PRKCI: variants seen among roughly 807,000 people sequenced by gnomAD.
PRKCI encodes the protein protein kinase C iota.
Under a neutral mutation model 84.0 loss-of-function variants are expected in PRKCI, and 43 were observed. The observed-to-expected ratio is 0.51, with a 90% CI of 0.40 to 0.66. The LOEUF is 0.66. PRKCI is among the 30% of genes least tolerant of loss of function. The pLI, the probability that PRKCI is intolerant of heterozygous loss-of-function variation, is 0.00. For synonymous variants in PRKCI, 216 were observed against 234.4 expected, an observed-to-expected ratio of 0.92 and a Z score of 0.72; for missense variants, 459 against 745.6, an observed-to-expected ratio of 0.62 and a Z score of 4.48.
At chr3:170,298,805 G>A (rs780452940) in intron 16 of PRKCI, among the ~76,000 whole-genome samples, 190 bp from the exon 17 acceptor site, 7 of 152,004 alleles carry the variant, frequency 4.6e-5, no homozygotes, top group African/African-American at 7.2e-5. Context: ...CCTACCAAGC[G>A]GTTGGGATTA....
chr3:170,265,281 A>G (rs1005742567), intron 4 of PRKCI, among the ~76,000 whole-genome samples: 4 of 152,166 alleles, frequency 2.6e-5, no homozygotes, highest in African/African-American at 2.4e-5. Context: ...CAAGCTCTTC[A>G]GGTGATTCTG....
chr3:170,247,651 A>G (rs1001818968), intron 2 of PRKCI, among the ~76,000 whole-genome samples: 2 of 147,830 alleles, frequency 1.4e-5, no homozygotes, highest in African/African-American at 5.0e-5. Flanking sequence ...AATCACTTGA[A>G]CCTGGGAGGT....
At chr3:170,282,192 G>A (rs1340273448) in intron 11 of PRKCI, among the ~76,000 whole-genome samples, 1 of 152,102 alleles carries the variant, frequency 6.6e-6, no homozygotes, top group Non-Finnish European at 1.5e-5. Flanking sequence ...TGCACACAGT[G>A]CTTCCTAAGC....
intron 4 of PRKCI, among the ~76,000 whole-genome samples, chr3:170,264,393 C>A (rs148449948): frequency 0.023 from 3,501 of 152,210 alleles, 58 homozygotes; most frequent in Non-Finnish European, 0.034. Context: ...AATTCTCCTG[C>A]CTCAGCCTCC....
intron 2 of PRKCI, among the ~76,000 whole-genome samples, chr3:170,251,502 A>G (rs563091060): frequency 6.6e-6 from 1 of 152,240 alleles, no homozygotes; most frequent in African/African-American, 2.4e-5. Flanking sequence ...TAAATAGTCA[A>G]TTCATAAATA....
chr3:170,290,535 A>G (rs2108864253), intron 12 of PRKCI, among the ~76,000 whole-genome samples: 1 of 151,752 alleles, frequency 6.6e-6, no homozygotes, highest in Admixed American at 6.6e-5. Flanking sequence ...TATTTTGTAT[A>G]TATATATATA....
intron 8 of PRKCI, among the ~76,000 whole-genome samples, chr3:170,277,126 A>G (rs888904900): frequency 4.0e-5 from 6 of 151,792 alleles, no homozygotes; most frequent in Admixed American, 6.6e-5. Context: ...GCACACACCT[A>G]TAATACTAGC....
Position 170,280,347 on chromosome 3 carries a change from A to G in PRKCI, c.826A>G (p.Thr276Ala), listed in dbSNP as rs867140849. 1 of 1,614,078 alleles carries G rather than the reference A, an allele frequency of 6.2e-7. No homozygotes were observed. Among genetic ancestry groups the G allele is most frequent in the Middle Eastern group, 1.7e-4 (1 of 6,048 alleles). Residue 276 changes from threonine (T) to alanine (A), a missense_variant, in exon 9 of 18, where the codon ACA becomes GCA. Transcript: ENST00000295797. Reference sequence around the variant, plus strand: ...AGTACTGTTGGTTCGATTAAAAAAAACAGATCGTATTTATGCAATGAAAGT... The same window carrying G: ...AGTACTGTTGGTTCGATTAAAAAAAGCAGATCGTATTTATGCAATGAAAGT... ...AKVLLVRLKK[T>A]DRIYAMKVVK... is the part of the protein sequence containing the mutation.
chr3:170,260,158 T>C (rs1194812645), intron 3 of PRKCI, 100 bp downstream of exon 3: 5 of 767,928 alleles, frequency 6.5e-6, no homozygotes, highest in Non-Finnish European at 1.0e-5. Context: ...TGTCATTTTC[T>C]CAATCTCTGT....
At chr3:170,222,871 TG>T in intron 1 of PRKCI, 101 bp downstream of exon 1, 1 of 6,142 alleles carries the variant, frequency 1.6e-4, no homozygotes, top group Non-Finnish European at 3.8e-4. Context: ...GTGGGCGGAT[TG>T]GGCTGGGCGG....
At chr3:170,240,321 A>G (rs1733095376) in intron 2 of PRKCI, among the ~76,000 whole-genome samples, 1 of 152,044 alleles carries the variant, frequency 6.6e-6, no homozygotes, top group South Asian at 2.1e-4. Flanking sequence ...TATTTTAATT[A>G]ACAGATGCAC....
At position 170,282,068 on chromosome 3, in the gene PRKCI, C is replaced by T. The variant is rs547864692; in HGVS notation, c.1067+100C>T. The T allele has an allele frequency of 2.1e-5, 26 of 1,235,966 alleles. No individual in the cohort carries two copies. In the South Asian group the frequency reaches 2.3e-4, roughly 11 times the overall value. The allele number at this position is 1,235,966 out of a possible 1,614,324, so 76.6% of individuals were successfully genotyped here. On this transcript the variant is annotated intron_variant, in intron 11 of 17. Transcript: ENST00000295797. ...AGTAGATAAATAATTTATTTTGATACTAGTTAATTATTTGTAAGTCATGCA... is the reference window on the plus strand; with the variant it reads ...AGTAGATAAATAATTTATTTTGATATTAGTTAATTATTTGTAAGTCATGCA...
chr3:170,275,205 T>C (rs745873821), intron 7 of PRKCI, 24 bp from the exon 8 acceptor site: 15 of 1,482,912 alleles, frequency 1.0e-5, no homozygotes, highest in Admixed American at 2.5e-5. Flanking sequence ...TTTTTTTTTT[T>C]AATGTTTGGT....
intron 12 of PRKCI, among the ~76,000 whole-genome samples, chr3:170,288,195 G>A (rs1285324734): frequency 1.3e-5 from 2 of 151,562 alleles, no homozygotes; most frequent in East Asian, 1.9e-4. Flanking sequence ...GCAGTGACCC[G>A]AGATCGCGCC....
chr3:170,224,221 T>C (rs948022248), intron 1 of PRKCI, among the ~76,000 whole-genome samples: 4 of 152,100 alleles, frequency 2.6e-5, no homozygotes, highest in Admixed American at 2.6e-4. Context: ...ATGAAGCCTC[T>C]GGCCTCTGTT....
intron 1 of PRKCI, among the ~76,000 whole-genome samples, chr3:170,232,503 G>T (rs753594328): frequency 1.3e-5 from 2 of 151,956 alleles, no homozygotes; most frequent in Non-Finnish European, 2.9e-5. Context: ...ATACTCAGAG[G>T]CAGATATGAT....
chr3:170,222,495 C>G lies in PRKCI; in HGVS notation c.-175C>G. ...CCTACGGGCAGTGGGAGGAGCCGCG[C>G]GGTTCCGGCTGCTCCGGCGAGGCGA... On this transcript the variant is annotated 5_prime_UTR_variant, in exon 1 of 18. Transcript: ENST00000295797. 2.0e-6 allele frequency: 1 copy of G among 506,212 alleles called. No individual in the cohort carries two copies. Among genetic ancestry groups the G allele is most frequent in the Non-Finnish European group, 3.3e-6 (1 of 301,702 alleles). The allele number at this position is 506,212 out of a possible 1,614,324, so 31.4% of individuals were successfully genotyped here.
chr3:170,292,627 G>T (rs969040824), intron 13 of PRKCI, among the ~76,000 whole-genome samples: 3 of 151,418 alleles, frequency 2.0e-5, no homozygotes, highest in Admixed American at 2.0e-4. Context: ...GGAGAATGGC[G>T]TGAACCCGGG....
intron 2 of PRKCI, among the ~76,000 whole-genome samples, chr3:170,253,289 A>G (rs536100509): frequency 1.3e-5 from 2 of 152,314 alleles, no homozygotes; most frequent in East Asian, 3.9e-4. Flanking sequence ...TGACTGTACT[A>G]AAGTACATTC....
Sources: allele counts gnomAD v4.1 joint callset (sites outside exome capture counted in the v4.1 genomes callset), GRCh38; gene constraint gnomAD v4.1.1; transcripts MANE v1.5; gene names NCBI Gene and HGNC (gene_info 2026-07-23, HGNC 2026-07-21).